The following DLG2 variants were observed in gnomAD, a reference collection of about 807,000 sequenced individuals.
DLG2 encodes the protein disks large homolog 2.
In DLG2, 45 loss-of-function variants were observed where a neutral mutation model predicts 132.5. That is an observed-to-expected ratio of 0.34 (90% CI 0.27 to 0.44). The LOEUF (loss-of-function observed/expected upper bound fraction) is 0.44, where lower values mean the gene tolerates loss of function less well. Among genes scored for constraint, DLG2 ranks in the 20% least tolerant of loss-of-function variants. DLG2 has a pLI of 1.00. For synonymous variants in DLG2, 424 were observed against 419.6 expected, an observed-to-expected ratio of 1.01 and a Z score of -0.13; for missense variants, 1,045 against 1,196.9, an observed-to-expected ratio of 0.87 and a Z score of 1.87.
intron 7 of DLG2, among the ~76,000 whole-genome samples, chr11:84,530,916 A>G (rs1434239549): frequency 3.9e-5 from 6 of 152,174 alleles, no homozygotes; most frequent in Non-Finnish European, 5.9e-5. Flanking sequence ...AATGTGGTAC[A>G]TATACACTAC....
rs1037735641 is a variant in DLG2, at chr11:83,455,851, C to T, written c.*3967G>A. On this transcript the variant is annotated 3_prime_UTR_variant, in exon 28 of 28. Transcript: ENST00000376104. Reference sequence around the variant, plus strand: ...ATGCTTCAAGGGAATTGATCTTTTTCCCTCTAGGAGTAACAAATTAATGTG... The same window carrying T: ...ATGCTTCAAGGGAATTGATCTTTTTTCCTCTAGGAGTAACAAATTAATGTG... The T allele has an allele frequency of 2.0e-5, 3 of 152,452 alleles. No individual in the cohort carries two copies. Among genetic ancestry groups the T allele is most frequent in the Admixed American group, 2.0e-4 (3 of 15,290 alleles). The allele number at this position is 152,452 out of a possible 1,614,324, so 9.4% of individuals were successfully genotyped here.
At chr11:83,472,958 A>G (rs1163376237) in intron 22 of DLG2, among the ~76,000 whole-genome samples, 181 bp from the exon 23 acceptor site, 1 of 152,064 alleles carries the variant, frequency 6.6e-6, no homozygotes. Flanking sequence ...TTAGTATCAG[A>G]TTTTCACAGT....
chr11:83,651,565 A>G (rs1322029666), intron 18 of DLG2: 4 of 198,448 alleles, frequency 2.0e-5, no homozygotes, highest in African/African-American at 6.8e-5. Flanking sequence ...AGTGTTTAGC[A>G]TAACTCTTTC....
chr11:83,865,336 C>T (rs2062118220), intron 16 of DLG2, among the ~76,000 whole-genome samples: 1 of 151,972 alleles, frequency 6.6e-6, no homozygotes, highest in Admixed American at 6.6e-5. Context: ...GGATAAATGA[C>T]TCTTACCCAA....
chr11:83,958,285 G>A (rs1169347695), intron 14 of DLG2, among the ~76,000 whole-genome samples: 3 of 152,174 alleles, frequency 2.0e-5, no homozygotes, highest in Non-Finnish European at 4.4e-5. Context: ...TGTCTGTTCA[G>A]TAAGTGACAG....
At chr11:85,046,602 T>TA (rs1246693431) in intron 6 of DLG2, among the ~76,000 whole-genome samples, 8 of 151,976 alleles carry the variant, frequency 5.3e-5, no homozygotes, top group Admixed American at 5.3e-4. Context: ...AAAATGGGGA[T>TA]AATATTTCAG....
At chr11:84,052,616 C>G (rs1341409042) in intron 11 of DLG2, among the ~76,000 whole-genome samples, 1 of 145,884 alleles carries the variant, frequency 6.9e-6, no homozygotes, top group Non-Finnish European at 1.5e-5. Flanking sequence ...CACTGATCAT[C>G]AGAGAAATGC....
At chr11:84,258,671 T>G (rs1274412906) in intron 7 of DLG2, among the ~76,000 whole-genome samples, 1 of 152,120 alleles carries the variant, frequency 6.6e-6, no homozygotes, top group Non-Finnish European at 1.5e-5. Flanking sequence ...ATCTAAGAGG[T>G]GCCACAAGCA....
intron 11 of DLG2, among the ~76,000 whole-genome samples, chr11:84,058,791 G>A (rs961698747): frequency 2.0e-5 from 3 of 151,660 alleles, no homozygotes; most frequent in Admixed American, 6.6e-5. Context: ...CAAGAGATAC[G>A]AGAACATTTC....
At chr11:84,711,330 A>AAGAGAGAGAGAGAG (rs760750088) in intron 6 of DLG2, among the ~76,000 whole-genome samples, 10 of 48,478 alleles carry the variant, frequency 2.1e-4, no homozygotes, top group East Asian at 9.2e-4. Context: ...CAGAACCAGT[A>AAGAGAGAGAGAGAG]AGAGAGAGAG....
intron 6 of DLG2, among the ~76,000 whole-genome samples, chr11:84,899,745 T>C (rs567941615): frequency 1.5e-3 from 224 of 152,170 alleles, no homozygotes; most frequent in African/African-American, 5.2e-3. Flanking sequence ...ACATAAAGAA[T>C]TGTCTGTGTG....
chr11:85,254,426 A>G (rs1331212646), intron 4 of DLG2, among the ~76,000 whole-genome samples: 1 of 152,200 alleles, frequency 6.6e-6, no homozygotes, highest in East Asian at 1.9e-4. Flanking sequence ...GCCCAGTCTT[A>G]CCTTTGTGTA....
chr11:84,704,171 C>T (rs573276731), intron 6 of DLG2, among the ~76,000 whole-genome samples: 1 of 151,230 alleles, frequency 6.6e-6, no homozygotes, highest in Non-Finnish European at 1.5e-5. Context: ...ATCCCTACTG[C>T]TAATAAATGG....
At chr11:84,583,789 T>C (rs138529707) in intron 6 of DLG2, among the ~76,000 whole-genome samples, 1 of 152,276 alleles carries the variant, frequency 6.6e-6, no homozygotes, top group African/African-American at 2.4e-5. Context: ...TGTGCTTCTT[T>C]TTGACCTTCA....
chr11:85,370,412 A>C (rs182658477), intron 3 of DLG2, among the ~76,000 whole-genome samples: 1 of 152,368 alleles, frequency 6.6e-6, no homozygotes, highest in East Asian at 1.9e-4. Context: ...TGTGGAAATT[A>C]ATCTTGCAGA....
At chr11:84,671,126 A>T (rs1201633505) in intron 6 of DLG2, among the ~76,000 whole-genome samples, 1 of 149,238 alleles carries the variant, frequency 6.7e-6, no homozygotes, top group African/African-American at 2.5e-5. Flanking sequence ...ACAAAGTCTC[A>T]CTCTGTCACC....
chr11:84,747,297 A>G (rs1389755785), intron 6 of DLG2, among the ~76,000 whole-genome samples: 1 of 152,208 alleles, frequency 6.6e-6, no homozygotes, highest in African/African-American at 2.4e-5. Context: ...TTTAAATTAT[A>G]TACATATTCA....
intron 6 of DLG2, among the ~76,000 whole-genome samples, chr11:84,569,359 A>G (rs1041658157): frequency 6.6e-6 from 1 of 152,202 alleles, no homozygotes; most frequent in African/African-American, 2.4e-5. Flanking sequence ...ATGACACCTC[A>G]AAAAGAAACT....
At chr11:85,425,087 A>G (rs2090610624) in intron 3 of DLG2, among the ~76,000 whole-genome samples, 1 of 152,244 alleles carries the variant, frequency 6.6e-6, no homozygotes, top group African/African-American at 2.4e-5. Context: ...ATAAACCAGA[A>G]GAAATACTAT....
Sources: allele counts gnomAD v4.1 joint callset (sites outside exome capture counted in the v4.1 genomes callset), GRCh38; gene constraint gnomAD v4.1.1; transcripts MANE v1.5; gene names NCBI Gene and HGNC (gene_info 2026-07-23, HGNC 2026-07-21).